Variants in OR2A7 observed in about 807,000 individuals in gnomAD.
OR2A7 encodes olfactory receptor family 2 subfamily A member 7.
For synonymous variants in OR2A7, 10 were observed against 147.1 expected, an observed-to-expected ratio of 0.07 and a Z score of 6.74; for missense variants, 35 against 359.2, an observed-to-expected ratio of 0.10 and a Z score of 7.30.
chr7:144,260,567 C>A (rs1331394245), intron 1 of OR2A7, among the ~76,000 whole-genome samples: 1 of 151,954 alleles, frequency 6.6e-6, no homozygotes, highest in Non-Finnish European at 1.5e-5. Context: ...ACTTTCCACT[C>A]TTGCACTGAT....
chr7:144,261,469 C>G (rs1251101105), intron 1 of OR2A7, among the ~76,000 whole-genome samples: 10 of 151,336 alleles, frequency 6.6e-5, no homozygotes, highest in African/African-American at 1.9e-4. Flanking sequence ...GACCTCATCT[C>G]TTTTAAAAAA....
chr7:144,260,414 C>T (rs1010420170), intron 1 of OR2A7, among the ~76,000 whole-genome samples: 2 of 151,348 alleles, frequency 1.3e-5, no homozygotes, highest in Non-Finnish European at 2.9e-5. Flanking sequence ...GTTTCAGAAA[C>T]AATGAACACT....
At chr7:144,264,209 A>G (rs1431003338) in intron 1 of OR2A7, among the ~76,000 whole-genome samples, 1 of 152,046 alleles carries the variant, frequency 6.6e-6, no homozygotes, top group Non-Finnish European at 1.5e-5. Context: ...GCAAACAACT[A>G]TGTATTTTAC....
At chr7:144,261,416 T>G (rs2052645025) in intron 1 of OR2A7, among the ~76,000 whole-genome samples, 1 of 151,074 alleles carries the variant, frequency 6.6e-6, no homozygotes, top group Non-Finnish European at 1.5e-5. Context: ...GGAAGGAGGT[T>G]CGCTGGAACC....
At chr7:144,262,705 CT>C (rs879312078) in intron 1 of OR2A7, among the ~76,000 whole-genome samples, 47 of 92,554 alleles carry the variant, frequency 5.1e-4, no homozygotes, top group East Asian at 2.0e-3. Flanking sequence ...TGAAAATTTT[CT>C]TTTTTTTTTT....
rs1393654238 is a variant in OR2A7 at position 144,261,482 on chromosome 7, T to C, written c.-4-1850A>G. On this transcript the variant is annotated intron_variant, in intron 1 of 1. Coordinates refer to ENST00000641841, the MANE Select transcript of OR2A7 (RefSeq NM_001005328.2). ...GAGACCTCATCTCTTTTAAAAAATTTTTAAAATAGTAATTATATGAAAAAA... is the reference window on the plus strand; with the variant it reads ...GAGACCTCATCTCTTTTAAAAAATTCTTAAAATAGTAATTATATGAAAAAA... Among the ~76,000 whole-genome samples, 3 of 151,570 alleles carry C rather than the reference T, an allele frequency of 2.0e-5. No homozygotes were observed. In the East Asian group the frequency reaches 5.8e-4, roughly 29 times the overall value.
intron 1 of OR2A7, among the ~76,000 whole-genome samples, chr7:144,260,803 A>G (rs2052635794): frequency 6.6e-6 from 1 of 150,972 alleles, no homozygotes; most frequent in Admixed American, 6.7e-5. Context: ...ACTCTAGAAT[A>G]CACAGTTTTA....
intron 1 of OR2A7, 49 bp downstream of exon 1, chr7:144,264,649 CAGA>C (rs1297714783): frequency 6.6e-6 from 1 of 151,392 alleles, no homozygotes; most frequent in Admixed American, 6.6e-5. Context: ...AGAGGTATTC[CAGA>C]AGAAGGCATT....
chr7:144,261,242 A>C (rs1176730341), intron 1 of OR2A7, among the ~76,000 whole-genome samples: 1 of 151,840 alleles, frequency 6.6e-6, no homozygotes, highest in South Asian at 2.1e-4. Flanking sequence ...ATCATCGCTC[A>C]GATTGTGTGG....
At chr7:144,262,993 GAGAGAGAGGCATC>G (rs1396302055) in intron 1 of OR2A7, among the ~76,000 whole-genome samples, 1 of 74,728 alleles carries the variant, frequency 1.3e-5, no homozygotes, top group Non-Finnish European at 2.4e-5. Context: ...TGTATAAGCT[GAGAGAGAGGCATC>G]AGTGATATAG....
rs750439318 is a variant in OR2A7 at position 144,258,934 on chromosome 7, A to G, written c.695T>C (p.Val232Ala). 6.2e-7 allele frequency: 1 copy of G among 1,613,662 alleles called. No individual in the cohort carries two copies. The highest frequency in any genetic ancestry group is 1.1e-5 in the South Asian group (1 of 91,058). ...CAILQIQSRE[V>A]QRKAFCTCFS... ...GCAGGTGCAGAAGGCTTTCCTCTGA[A>G]CTTCCCTTGATTGGATCTGAAGGAT... Residue 232 changes from valine to alanine, a missense_variant, in exon 2 of 2, where the codon GTT (valine) becomes GCT (alanine). Val to Ala is a moderately conservative substitution (Grantham distance 64). Transcript: ENST00000641841.
At chr7:144,260,314 A>G (rs1419692015) in intron 1 of OR2A7, among the ~76,000 whole-genome samples, 2 of 149,948 alleles carry the variant, frequency 1.3e-5, no homozygotes, top group African/African-American at 2.4e-5. Context: ...TGTAGTACAC[A>G]GTTTTTGTTT....
At position 144,259,432 on chromosome 7, in the gene OR2A7, G is replaced by C; in HGVS notation, c.197C>G (p.Ala66Gly). Residue 66 changes from alanine (A) to glycine (G), a missense_variant, in exon 2 of 2, where the codon GCG (alanine) becomes GGG (glycine). Transcript: ENST00000641841. Reference protein sequence around the residue: ...APMYFFLSHLAVVDIAYACNT... With the variant: ...APMYFFLSHLGVVDIAYACNT... ...GCAGGCGTAGGCGATGTCGACGACC[G>C]CCAGGTGTGAGAGGAAGAAGTACAT... The C allele has an allele frequency of 6.7e-7, 1 of 1,499,336 alleles. No homozygotes were observed. Among genetic ancestry groups the C allele is most frequent in the Non-Finnish European group, 9.2e-7 (1 of 1,091,462 alleles). The allele number at this position is 1,499,336 out of a possible 1,614,324, so 92.9% of individuals were successfully genotyped here.
chr7:144,260,111 G>GAAAAAA (rs1162605720), intron 1 of OR2A7, among the ~76,000 whole-genome samples: 176 of 87,482 alleles, frequency 2.0e-3, no homozygotes, highest in Middle Eastern at 6.3e-3. Flanking sequence ...TCTGTCTCCA[G>GAAAAAA]AAAAAAAAAA....
intron 1 of OR2A7, among the ~76,000 whole-genome samples, chr7:144,261,238 G>A (rs1455153678): frequency 1.1e-4 from 16 of 151,824 alleles, no homozygotes; most frequent in East Asian, 5.8e-4. Flanking sequence ...CCTAATCATC[G>A]CTCAGATTGT....
Position 144,258,910 on chromosome 7 carries a change from C to G in OR2A7, c.719G>C (p.Cys240Ser), listed in dbSNP as rs772617498. Residue 240 changes from cysteine (C) to serine (S), a missense_variant, in exon 2 of 2, where the codon TGC becomes TCC. Physicochemically the swap from Cys to Ser is moderately radical, Grantham distance 112. Transcript: ENST00000641841. ...TCCAATCACACAGAGGTGGGAGAAG[C>G]AGGTGCAGAAGGCTTTCCTCTGAAC... ...REVQRKAFCT[C>S]FSHLCVIGLF... 1.4e-5 allele frequency: 22 copies of G among 1,613,724 alleles called. No individual in the cohort carries two copies. Among genetic ancestry groups the G allele is most frequent in the Non-Finnish European group, 1.7e-5 (20 of 1,179,928 alleles).
At chr7:144,259,977 C>T (rs1401576040) in intron 1 of OR2A7, among the ~76,000 whole-genome samples, 3 of 131,024 alleles carry the variant, frequency 2.3e-5, no homozygotes, top group Non-Finnish European at 3.3e-5. Context: ...GGCGTGGCGG[C>T]GTGTACCTGT....
intron 1 of OR2A7, among the ~76,000 whole-genome samples, chr7:144,264,252 T>C (rs1197801794): frequency 6.6e-6 from 1 of 151,968 alleles, no homozygotes; most frequent in Non-Finnish European, 1.5e-5. Flanking sequence ...AAACTTTTTG[T>C]CATTATTTTA....
chr7:144,261,664 A>AT, intron 1 of OR2A7, among the ~76,000 whole-genome samples: 1 of 151,008 alleles, frequency 6.6e-6, no homozygotes, highest in East Asian at 1.9e-4. Context: ...CTGATAGATA[A>AT]TATGCTGATA....
Sources: allele counts gnomAD v4.1 joint callset (sites outside exome capture counted in the v4.1 genomes callset), GRCh38; gene constraint gnomAD v4.1.1; transcripts MANE v1.5; gene names NCBI Gene and HGNC (gene_info 2026-07-23, HGNC 2026-07-21).